The following PRDM16 variants were observed in gnomAD, a reference collection of about 807,000 sequenced individuals.
PRDM16 encodes histone-lysine N-methyltransferase PRDM16.
Under a neutral mutation model 110.6 loss-of-function variants are expected in PRDM16, and 23 were observed. The observed-to-expected ratio is 0.21, with a 90% confidence interval of 0.15 to 0.29. The LOEUF is 0.29. Ranked by LOEUF, PRDM16 falls within the 10% of genes least tolerant of loss-of-function variation. The pLI is 1.00. For missense variants in PRDM16, 1,615 were observed against 1,794.3 expected (o/e 0.90, Z 1.81); for synonymous variants, 799 against 781.8 (o/e 1.02, Z -0.37).
At chr1:3,228,720 C>T (rs1639345045) in intron 2 of PRDM16, among the ~76,000 whole-genome samples, 1 of 152,236 alleles carries the variant, frequency 6.6e-6, no homozygotes, top group African/African-American at 2.4e-5. Context: ...ACCAGTACCA[C>T]CTAGTTCTGC....
intron 1 of PRDM16, among the ~76,000 whole-genome samples, chr1:3,180,559 A>T (rs1403218241): frequency 6.6e-6 from 1 of 152,086 alleles, no homozygotes; most frequent in Non-Finnish European, 1.5e-5. Context: ...GGGCCGCAAA[A>T]GTAAAGACCC....
intron 3 of PRDM16, among the ~76,000 whole-genome samples, chr1:3,259,299 G>T (rs1004181035): frequency 3.3e-5 from 5 of 152,226 alleles, no homozygotes; most frequent in African/African-American, 1.2e-4. Flanking sequence ...GCTGGGGCTG[G>T]GGAGACATCG....
intron 3 of PRDM16, among the ~76,000 whole-genome samples, chr1:3,326,860 C>T (rs934218179): frequency 6.6e-6 from 1 of 152,216 alleles, no homozygotes; most frequent in Non-Finnish European, 1.5e-5. Context: ...CTCCTGCCCC[C>T]ACTGGGCCAT....
intron 1 of PRDM16, among the ~76,000 whole-genome samples, chr1:3,159,733 G>A (rs1483050313): frequency 1.3e-5 from 2 of 152,186 alleles, no homozygotes; most frequent in African/African-American, 4.8e-5. Context: ...ACTGTCCTGG[G>A]ACACATTTTG....
chr1:3,214,168 G>A, intron 2 of PRDM16, among the ~76,000 whole-genome samples: 1 of 152,164 alleles, frequency 6.6e-6, no homozygotes, highest in African/African-American at 2.4e-5. Flanking sequence ...TGGAGAAAAT[G>A]GTTTTCCTTT....
chr1:3,292,626 G>A (rs1207751784), intron 3 of PRDM16, among the ~76,000 whole-genome samples: 6 of 152,250 alleles, frequency 3.9e-5, no homozygotes, highest in African/African-American at 1.2e-4. Context: ...GGGAAAGGAC[G>A]GTCTGCCTGC....
At chr1:3,128,053 T>G (rs1569629759) in intron 1 of PRDM16, 1 of 154,856 alleles carries the variant, frequency 6.5e-6, no homozygotes, top group East Asian at 1.9e-4. Context: ...CAGAGGGCAC[T>G]TGTATGAAAA....
intron 3 of PRDM16, among the ~76,000 whole-genome samples, chr1:3,334,572 C>G (rs1253707359): frequency 2.0e-5 from 3 of 152,202 alleles, no homozygotes; most frequent in Non-Finnish European, 4.4e-5. Flanking sequence ...GGAACCAGCC[C>G]TTGACACCTA....
chr1:3,241,760 A>G (rs1639679848), intron 2 of PRDM16, among the ~76,000 whole-genome samples: 1 of 152,216 alleles, frequency 6.6e-6, no homozygotes, highest in Admixed American at 6.5e-5. Flanking sequence ...CAGGAAGATC[A>G]GGCGACCAAA....
At position 3,217,247 on chromosome 1, in the gene PRDM16, C is replaced by T. The variant is rs143804600; in HGVS notation, c.388-26840C>T. On this transcript the variant is annotated intron_variant, in intron 2 of 16. Transcript: ENST00000270722. ...AAGTGACCCAGAATCCATTCCTGGG[C>T]GGCTGGCGTCCAGCTCCTTAGCCTG... Among the ~76,000 whole-genome samples, 92 of 152,228 alleles carry T rather than the reference C, an allele frequency of 6.0e-4. No homozygotes were observed. The East Asian group carries it at 0.016, about 26-fold the overall frequency.
intron 3 of PRDM16, among the ~76,000 whole-genome samples, chr1:3,250,201 CCAGTCCG>C (rs912124109): frequency 1.3e-5 from 2 of 151,024 alleles, no homozygotes; most frequent in Non-Finnish European, 1.5e-5. Flanking sequence ...TCCTGAGGCT[CCAGTCCG>C]CAGGGCAGAA....
intron 4 of PRDM16, among the ~76,000 whole-genome samples, chr1:3,388,027 T>C (rs1338081249): frequency 1.3e-5 from 2 of 152,250 alleles, no homozygotes; most frequent in Non-Finnish European, 2.9e-5. Context: ...GAACGTGGGT[T>C]CCTGCAAAGC....
At chr1:3,389,208 G>A (rs1005864798) in intron 4 of PRDM16, among the ~76,000 whole-genome samples, 2 of 152,204 alleles carry the variant, frequency 1.3e-5, no homozygotes, top group Non-Finnish European at 2.9e-5. Flanking sequence ...GCTTGAAAAG[G>A]CTCAGCAACC....
chr1:3,103,246 G>A (rs567423112), intron 1 of PRDM16, among the ~76,000 whole-genome samples: 4 of 152,330 alleles, frequency 2.6e-5, no homozygotes, highest in South Asian at 2.1e-4. Context: ...AAGGGTCCCC[G>A]TGGTGCTGTT....
intron 3 of PRDM16, among the ~76,000 whole-genome samples, chr1:3,356,279 C>A (rs796121383): frequency 1.2e-4 from 19 of 152,304 alleles, no homozygotes; most frequent in Admixed American, 1.0e-3. Flanking sequence ...AGCCCCCCTG[C>A]GCCAAGCCAC....
At position 3,290,995 on chromosome 1, in the gene PRDM16, A is replaced by T. The variant is rs1280386790; in HGVS notation, c.438+46858A>T. 6.6e-6 allele frequency among the ~76,000 whole-genome samples: 1 copy of T among 152,062 alleles called. No individual in the cohort carries two copies. The highest frequency in any genetic ancestry group is 1.5e-5 in the Non-Finnish European group (1 of 67,996). ...AGGAGCGGCTTGGCCTCCTGACTCC[A>T]GGGGCCTGGGAGAGGCCATCCTTGT... On this transcript the variant is annotated intron_variant, in intron 3 of 16. Transcript: ENST00000270722. The surrounding 1 kb of genome is among the most constrained non-coding windows in gnomAD (Gnocchi z 4.8).
rs1444464601 is a variant in PRDM16 at position 3,433,778 on chromosome 1, G to A, written c.3798G>A (p.Glu1266=). The A allele has an allele frequency of 1.5e-5, 24 of 1,613,794 alleles. No individual in the cohort carries two copies. The highest frequency in any genetic ancestry group is 1.9e-5 in the Non-Finnish European group (22 of 1,179,912). Residue 1266 remains glutamate, a synonymous_variant, in exon 17 of 17, where the codon GAG becomes GAA. Transcript: ENST00000270722. ...TGAAGGTCACTGGAGCCACGTCGGA[G>A]TCTGGAGCATTTCACCCCATCAACC... ...AWLKVTGATS[E]SGAFHPINHL
Position 3,161,239 on chromosome 1 carries a change from C to T in PRDM16, c.38-24886C>T, listed in dbSNP as rs181616895. Among the ~76,000 whole-genome samples the T allele has an allele frequency of 4.4e-3, 667 of 152,200 alleles. 19 individuals are homozygous for T. The highest frequency in any genetic ancestry group is 0.032 in the Admixed American group (494 of 15,296). On this transcript the variant is annotated intron_variant, in intron 1 of 16. Transcript: ENST00000270722. ...CTCAAAAGACGGCGAAGGAGCGCTT[C>T]GGCTCTCACCAGCAAACACACACAC...
chr1:3,086,839 C>T (rs892372862), intron 1 of PRDM16, among the ~76,000 whole-genome samples: 1 of 152,112 alleles, frequency 6.6e-6, no homozygotes, highest in Non-Finnish European at 1.5e-5. Context: ...AATGCGCTCG[C>T]GCCTGGAGAT....
Sources: gnomAD v4.1 joint callset for allele counts (sites outside exome capture counted in the v4.1 genomes callset) on GRCh38, gnomAD v4.1.1 for gene constraint, Gnocchi (gnomAD v3.1) non-coding constraint, MANE v1.5 for transcripts, NCBI Gene and HGNC (gene_info 2026-07-23, HGNC 2026-07-21) for gene names.